Variants in RPRD1B observed in about 807,000 individuals in gnomAD.
RPRD1B encodes the protein regulation of nuclear pre-mRNA domain-containing protein 1B.
In RPRD1B, 11 loss-of-function variants were observed where a neutral mutation model predicts 41.5. The observed-to-expected ratio is 0.27, with a 90% confidence interval of 0.17 to 0.44. The LOEUF is 0.44. Among genes scored for constraint, RPRD1B ranks in the 20% least tolerant of loss-of-function variants. The pLI is 1.00. For missense variants in RPRD1B, 248 were observed against 389.9 expected (o/e 0.64, Z 3.06); for synonymous variants, 158 against 155.6 (o/e 1.02, Z -0.12).
chr20:38,068,583 A>G (rs2074381593), intron 6 of RPRD1B, among the ~76,000 whole-genome samples: 2 of 152,150 alleles, frequency 1.3e-5, no homozygotes, highest in South Asian at 2.1e-4. Context: ...TGTTTTTAGC[A>G]GAGACAGAGT....
chr20:38,075,026 G>C (rs185463606), intron 6 of RPRD1B, among the ~76,000 whole-genome samples: 1 of 152,262 alleles, frequency 6.6e-6, no homozygotes, highest in Non-Finnish European at 1.5e-5. Context: ...GATAGTCAAT[G>C]ATTATTTGTA....
intron 1 of RPRD1B, among the ~76,000 whole-genome samples, chr20:38,034,381 T>C (rs2073971218): frequency 6.6e-6 from 1 of 152,194 alleles, no homozygotes; most frequent in Admixed American, 6.5e-5. Flanking sequence ...GTGGCTGTTA[T>C]TATCTCGGCT....
intron 6 of RPRD1B, among the ~76,000 whole-genome samples, chr20:38,084,429 A>G (rs1392043416): frequency 6.6e-6 from 1 of 152,186 alleles, no homozygotes; most frequent in African/African-American, 2.4e-5. Context: ...AATAGGTTTA[A>G]TAATGTTTAC....
intron 6 of RPRD1B, among the ~76,000 whole-genome samples, chr20:38,072,161 G>A (rs369066915): frequency 3.9e-5 from 6 of 152,014 alleles, no homozygotes; most frequent in East Asian, 1.9e-4. Flanking sequence ...TTAAATTTAC[G>A]TTCTTAATCT....
At chr20:38,079,097 T>C (rs2074490682) in intron 6 of RPRD1B, among the ~76,000 whole-genome samples, 1 of 152,188 alleles carries the variant, frequency 6.6e-6, no homozygotes, top group Admixed American at 6.5e-5. Flanking sequence ...TCGATTCAAA[T>C]GGAACAGTTT....
At chr20:38,077,100 T>C (rs1600434761) in intron 6 of RPRD1B, among the ~76,000 whole-genome samples, 1 of 151,742 alleles carries the variant, frequency 6.6e-6, no homozygotes, top group East Asian at 1.9e-4. Flanking sequence ...GTATTTTTAG[T>C]AGAGACGGGG....
chr20:38,083,207 T>C (rs1440572996), intron 6 of RPRD1B, among the ~76,000 whole-genome samples: 1 of 149,604 alleles, frequency 6.7e-6, no homozygotes, highest in Non-Finnish European at 1.5e-5. Context: ...TGGTTTACTT[T>C]AAAAAAAAAA....
At chr20:38,038,490 G>GTTTTGTTT (rs2074027578) in intron 1 of RPRD1B, among the ~76,000 whole-genome samples, 1 of 76,762 alleles carries the variant, frequency 1.3e-5, no homozygotes, top group African/African-American at 4.8e-5. Context: ...TTTTTGTTTT[G>GTTTTGTTT]TTTTTTTTTT....
chr20:38,066,475 A>G (rs6068675), intron 6 of RPRD1B, among the ~76,000 whole-genome samples: 22,628 of 152,218 alleles, frequency 0.15, 1,726 homozygotes, highest in South Asian at 0.29. Context: ...ATTGTAGGAA[A>G]CAAACAGTGA....
rs199912788 is a variant in RPRD1B at position 38,066,082 on chromosome 20, C to T, written c.657C>T (p.Asp219=). 49 of 1,613,966 alleles carry T rather than the reference C, an allele frequency of 3.0e-5. No individual in the cohort carries two copies. The East Asian group carries it at 1.1e-3, about 36-fold the overall frequency. Residue 219 remains aspartate, a splice_region_variant and synonymous_variant, in exon 6 of 7, where the codon GAC becomes GAT. Coordinates refer to ENST00000373433, the MANE Select transcript of RPRD1B (RefSeq NM_021215.4). ...TTTTTTGGTCTCATTTGTACTTAGACAAAGAGGCAGCTGAACGTCTTTCAA... is the reference window on the plus strand; with the variant it reads ...TTTTTTGGTCTCATTTGTACTTAGATAAAGAGGCAGCTGAACGTCTTTCAA... ...QDVSLLEKIT[D]KEAAERLSKT...
intron 3 of RPRD1B, among the ~76,000 whole-genome samples, chr20:38,054,126 C>G (rs751906074): frequency 3.4e-4 from 52 of 152,136 alleles, no homozygotes; most frequent in Non-Finnish European, 4.9e-4. Flanking sequence ...AGGCATCAGT[C>G]TGAGGTATGG....
intron 5 of RPRD1B, among the ~76,000 whole-genome samples, chr20:38,065,147 A>G (rs1165908064): frequency 6.6e-6 from 1 of 152,124 alleles, no homozygotes; most frequent in Admixed American, 6.5e-5. Flanking sequence ...CAGACTTTAC[A>G]TTTTGTCAAA....
chr20:38,055,730 A>T (rs1409262139), intron 3 of RPRD1B, among the ~76,000 whole-genome samples: 27 of 152,058 alleles, frequency 1.8e-4, no homozygotes. Flanking sequence ...CATTTTTATA[A>T]AATGTCGTGG....
intron 3 of RPRD1B, among the ~76,000 whole-genome samples, chr20:38,051,472 C>T (rs979888929): frequency 1.3e-5 from 2 of 152,158 alleles, no homozygotes; most frequent in African/African-American, 2.4e-5. Flanking sequence ...TGTTTTAGAT[C>T]CTTACAACTA....
chr20:38,038,378 C>T (rs1484784482), intron 1 of RPRD1B, among the ~76,000 whole-genome samples: 3 of 150,170 alleles, frequency 2.0e-5, no homozygotes, highest in African/African-American at 7.4e-5. Flanking sequence ...GGCGCGATCT[C>T]GGCTCACTGC....
chr20:38,054,746 T>G (rs2122717307), intron 3 of RPRD1B, among the ~76,000 whole-genome samples: 1 of 152,354 alleles, frequency 6.6e-6, no homozygotes. Flanking sequence ...TTTTTCTACC[T>G]TCTTTAGCAT....
At chr20:38,062,521 T>C (rs180937106) in intron 5 of RPRD1B, among the ~76,000 whole-genome samples, 2 of 152,240 alleles carry the variant, frequency 1.3e-5, no homozygotes, top group African/African-American at 4.8e-5. Context: ...TAAAACTTGT[T>C]TCACTCATGG....
chr20:38,035,186 T>C (rs1356852679), intron 1 of RPRD1B, among the ~76,000 whole-genome samples: 1 of 152,200 alleles, frequency 6.6e-6, no homozygotes, highest in Non-Finnish European at 1.5e-5. Context: ...TTTTGATTAC[T>C]CACTGTGAGG....
intron 6 of RPRD1B, among the ~76,000 whole-genome samples, chr20:38,076,037 G>T (rs909377301): frequency 6.6e-6 from 1 of 152,210 alleles, no homozygotes; most frequent in Non-Finnish European, 1.5e-5. Flanking sequence ...GCCTTTCTGA[G>T]AATTATTGGG....
Sources: gnomAD v4.1 joint callset for allele counts (sites outside exome capture counted in the v4.1 genomes callset) on GRCh38, gnomAD v4.1.1 for gene constraint, MANE v1.5 for transcripts, NCBI Gene and HGNC (gene_info 2026-07-23, HGNC 2026-07-21) for gene names.